The following SLC25A17 variants were observed in gnomAD, a reference collection of about 807,000 sequenced individuals.
SLC25A17 encodes the protein peroxisomal membrane protein PMP34.
Under a neutral mutation model 38.5 loss-of-function variants are expected in SLC25A17, and 26 were observed. The ratio of observed to expected loss-of-function variants is 0.68; its 90% CI spans 0.50 to 0.94. The LOEUF (loss-of-function observed/expected upper bound fraction) is 0.94. Ranked by LOEUF, SLC25A17 falls within the 40% of genes least tolerant of loss-of-function variation. The probability of loss-of-function intolerance (pLI) is 0.00; values close to 1 mark genes in which losing one functional copy is unlikely to be tolerated. For synonymous variants in SLC25A17, 139 were observed against 136.2 expected (o/e 1.02, Z -0.14); for missense variants, 333 against 372.7 (o/e 0.89, Z 0.88).
chr22:40,787,902 A>C (rs932331246), intron 4 of SLC25A17, among the ~76,000 whole-genome samples: 2 of 152,180 alleles, frequency 1.3e-5, no homozygotes, highest in African/African-American at 4.8e-5. Context: ...TAAACTGTCA[A>C]CCTTCCATTT....
chr22:40,795,315 C>T (rs9623237), intron 2 of SLC25A17, among the ~76,000 whole-genome samples: 2,786 of 150,534 alleles, frequency 0.019, 81 homozygotes, highest in African/African-American at 0.063. Context: ...TTTTTTGAGA[C>T]GGAGTCTCGC....
intron 1 of SLC25A17, among the ~76,000 whole-genome samples, chr22:40,809,701 T>C (rs1020442176): frequency 2.0e-5 from 3 of 152,082 alleles, no homozygotes; most frequent in Admixed American, 6.5e-5. Flanking sequence ...CACAATAATA[T>C]TGATTGTTAT....
intron 4 of SLC25A17, among the ~76,000 whole-genome samples, chr22:40,783,071 T>C (rs1235258107): frequency 6.6e-6 from 1 of 152,160 alleles, no homozygotes; most frequent in Non-Finnish European, 1.5e-5. Flanking sequence ...ATTATAAAAA[T>C]ATGTACATAT....
chr22:40,776,462 A>G (rs953599034), intron 7 of SLC25A17, among the ~76,000 whole-genome samples: 1 of 152,202 alleles, frequency 6.6e-6, no homozygotes, highest in Admixed American at 6.5e-5. Context: ...AAGGAAGCAA[A>G]CTTATGCTTT....
chr22:40,778,234 A>T (rs1316944734), intron 5 of SLC25A17, among the ~76,000 whole-genome samples: 1 of 152,206 alleles, frequency 6.6e-6, no homozygotes, highest in East Asian at 1.9e-4. Flanking sequence ...AAAAATATTC[A>T]TCCCCTCCCA....
At chr22:40,781,408 A>G (rs1411166677) in intron 4 of SLC25A17, among the ~76,000 whole-genome samples, 3 of 151,896 alleles carry the variant, frequency 2.0e-5, no homozygotes, top group Non-Finnish European at 4.4e-5. Flanking sequence ...ACTGCGCCCG[A>G]CTAATTTTTT....
chr22:40,790,628 G>A (rs1393867101), intron 4 of SLC25A17, among the ~76,000 whole-genome samples: 4 of 152,170 alleles, frequency 2.6e-5, no homozygotes, highest in African/African-American at 4.8e-5. Flanking sequence ...AAGATGAACA[G>A]GACAGAGAGA....
chr22:40,799,845 C>T (rs961627633), intron 1 of SLC25A17, among the ~76,000 whole-genome samples: 8 of 152,178 alleles, frequency 5.3e-5, no homozygotes, highest in African/African-American at 1.7e-4. Flanking sequence ...CTCTCAGACA[C>T]TGAAAAAGAA....
intron 8 of SLC25A17, 66 bp downstream of exon 8, chr22:40,773,871 A>G: frequency 8.9e-7 from 1 of 1,118,454 alleles, no homozygotes; most frequent in Non-Finnish European, 1.4e-6. Context: ...AGGGAAATGC[A>G]ACCCCTCCCT....
At chr22:40,810,976 G>T (rs9611419) in intron 1 of SLC25A17, among the ~76,000 whole-genome samples, 22,913 of 151,968 alleles carry the variant, frequency 0.15, 2,322 homozygotes, top group Non-Finnish European at 0.21. Flanking sequence ...GCCCTGGCTG[G>T]AGTGCAGTGG....
chr22:40,803,591 A>G (rs1602620301), intron 1 of SLC25A17, among the ~76,000 whole-genome samples: 2 of 152,226 alleles, frequency 1.3e-5, no homozygotes, highest in East Asian at 3.8e-4. Context: ...TCTACTGTGA[A>G]TAGCACTGCA....
intron 8 of SLC25A17, among the ~76,000 whole-genome samples, chr22:40,772,030 AC>A (rs200817141): frequency 0.02 from 2,962 of 151,722 alleles, 96 homozygotes; most frequent in African/African-American, 0.069. Context: ...AAAAAAAAAA[AC>A]AAAGCCATTA....
intron 4 of SLC25A17, among the ~76,000 whole-genome samples, chr22:40,784,206 T>C (rs930404099): frequency 6.6e-6 from 1 of 152,174 alleles, no homozygotes; most frequent in Admixed American, 6.5e-5. Flanking sequence ...ATTTAGCACA[T>C]ACTAGACACC....
intron 1 of SLC25A17, among the ~76,000 whole-genome samples, chr22:40,813,602 T>C (rs911644104): frequency 2.6e-5 from 4 of 151,602 alleles, no homozygotes; most frequent in African/African-American, 4.9e-5. Context: ...CAGACACCTG[T>C]AGTCCCAGCT....
rs1032852172 is a variant in SLC25A17 at position 40,819,328 on chromosome 22, C to G, written c.-80G>C. On this transcript the variant is annotated 5_prime_UTR_variant, in exon 1 of 9. Coordinates refer to ENST00000435456, the MANE Select transcript of SLC25A17 (RefSeq NM_006358.4). ...TGGAGTTAGGAAAGGAGCACCGGAGCTCAGGGTGTGAGAGTCGCAATCCCC... is the reference window on the plus strand; with the variant it reads ...TGGAGTTAGGAAAGGAGCACCGGAGGTCAGGGTGTGAGAGTCGCAATCCCC... 2.5e-5 allele frequency: 36 copies of G among 1,420,742 alleles called. 1 individual carries two copies. In the Middle Eastern group the frequency reaches 1.3e-3, roughly 52 times the overall value. The allele number at this position is 1,420,742 out of a possible 1,614,324, so 88.0% of individuals were successfully genotyped here.
chr22:40,771,837 A>C (rs1042181220), intron 8 of SLC25A17, among the ~76,000 whole-genome samples: 2 of 152,180 alleles, frequency 1.3e-5, no homozygotes, highest in African/African-American at 4.8e-5. Flanking sequence ...TTGTACATTT[A>C]AAAATAACTA....
At chr22:40,812,574 AACT>A (rs1029235881) in intron 1 of SLC25A17, among the ~76,000 whole-genome samples, 6 of 152,166 alleles carry the variant, frequency 3.9e-5, no homozygotes, top group African/African-American at 1.4e-4. Context: ...GCAGGGTGAA[AACT>A]AGTGGTGGGG....
rs2057175326 is a variant in SLC25A17, at chr22:40,770,891, C to T, written c.867G>A (p.Glu289=). 1.9e-6 allele frequency: 3 copies of T among 1,613,408 alleles called. No homozygotes were observed. Among genetic ancestry groups the T allele is most frequent in the Non-Finnish European group, 2.5e-6 (3 of 1,179,568 alleles). ...CTGTGAAGGTGGCAGCTGTCAGTTT[C>T]TCATAAACAAGGAACATGAGAGCAG... ...LTAALMFLVY[E]KLTAATFTVM... is the part of the protein sequence containing the mutation. Residue 289 remains glutamate, a synonymous_variant, in exon 9 of 9, where the codon GAG becomes GAA. Transcript: ENST00000435456.
chr22:40,785,601 C>A (rs761092041), intron 4 of SLC25A17, among the ~76,000 whole-genome samples: 4 of 152,018 alleles, frequency 2.6e-5, no homozygotes, highest in Non-Finnish European at 5.9e-5. Flanking sequence ...ATAGGATGGC[C>A]GGGTTAAACA....
Sources: allele counts gnomAD v4.1 joint callset (sites outside exome capture counted in the v4.1 genomes callset), GRCh38; gene constraint gnomAD v4.1.1; transcripts MANE v1.5; gene names NCBI Gene and HGNC (gene_info 2026-07-23, HGNC 2026-07-21).